EXOC4: variants seen among roughly 807,000 people sequenced by gnomAD.
EXOC4 encodes exocyst complex component 4, also known as SEC8-like 1.
Under a neutral mutation model 107.2 loss-of-function variants are expected in EXOC4, and 71 were observed. The ratio of observed to expected loss-of-function variants is 0.66; its 90% CI spans 0.55 to 0.81. The LOEUF (loss-of-function observed/expected upper bound fraction) is 0.81, where lower values mean the gene tolerates loss of function less well. EXOC4 is among the 30% of genes least tolerant of loss of function. The pLI, the probability that EXOC4 is intolerant of heterozygous loss-of-function variation, is 0.00. For synonymous variants in EXOC4, 456 were observed against 441.2 expected, an observed-to-expected ratio of 1.03 and a Z score of -0.42; for missense variants, 1,108 against 1,189.6, an observed-to-expected ratio of 0.93 and a Z score of 1.01.
rs759085567 is a variant in EXOC4 at position 133,833,247 on chromosome 7, G to GAA, written c.1734+15714_1734+15715dup. ...AGGTGAATAATCAGTCCCTGAGAAG[G>GAA]AAAAAAAAAAAAGGCCTAGGGATGT... On this transcript the variant is annotated intron_variant, in intron 11 of 17. Transcript: ENST00000253861. 2.7e-3 allele frequency among the ~76,000 whole-genome samples: 347 copies of GAA among 128,042 alleles called. 5 individuals are homozygous for GAA. The highest frequency in any genetic ancestry group is 8.9e-3 in the African/African-American group (324 of 36,264). 84.0% of individuals were successfully genotyped at this position (128,042 alleles called of 152,430 possible). A position where few individuals can be genotyped will look rare whatever the true frequency, so the allele number is the denominator to read the frequency against.
chr7:133,499,557 A>G (rs1474278526), intron 9 of EXOC4, among the ~76,000 whole-genome samples: 1 of 152,112 alleles, frequency 6.6e-6, no homozygotes, highest in Non-Finnish European at 1.5e-5. Flanking sequence ...TATGTATATA[A>G]TTATTTTGTT....
intron 5 of EXOC4, among the ~76,000 whole-genome samples, chr7:133,321,165 G>A (rs1362571419): frequency 6.6e-6 from 1 of 151,026 alleles, no homozygotes; most frequent in Non-Finnish European, 1.5e-5. Flanking sequence ...ATTAAGATTG[G>A]AGGTGATTCC....
intron 4 of EXOC4, among the ~76,000 whole-genome samples, chr7:133,311,864 CAG>C (rs1175125128): frequency 6.6e-6 from 1 of 151,988 alleles, no homozygotes; most frequent in African/African-American, 2.4e-5. Context: ...CATGAGTAGT[CAG>C]AGAAATACAC....
intron 17 of EXOC4, among the ~76,000 whole-genome samples, chr7:134,038,167 T>C (rs1214673105): frequency 6.6e-6 from 1 of 152,198 alleles, no homozygotes; most frequent in African/African-American, 2.4e-5. Context: ...GATTAGCATA[T>C]CTGGCAGATG....
Position 133,483,288 on chromosome 7 carries a change from A to G in EXOC4, c.1417+3150A>G, listed in dbSNP as rs1799197803. 2.6e-5 allele frequency among the ~76,000 whole-genome samples: 4 copies of G among 152,272 alleles called. No individual in the cohort carries two copies. The South Asian group carries it at 6.2e-4, about 24-fold the overall frequency. ...ACCACTTTCAGCTTTATAGTTTTCC[A>G]TTAGTCTTTAAGTTGAAGGCAAAGT... is the stretch of plus-strand genomic sequence containing the variant. On this transcript the variant is annotated intron_variant, in intron 9 of 17. Transcript: ENST00000253861.
intron 9 of EXOC4, among the ~76,000 whole-genome samples, chr7:133,580,478 A>T (rs1456822123): frequency 6.6e-6 from 1 of 152,208 alleles, no homozygotes; most frequent in Non-Finnish European, 1.5e-5. Context: ...CATAGGTTCC[A>T]ATTTCTCTAC....
Position 133,274,963 on chromosome 7 carries a change from TA to T in EXOC4, c.87-18del, listed in dbSNP as rs1793954770. 1 of 1,544,896 alleles carries T rather than the reference TA, an allele frequency of 6.5e-7. No homozygotes were observed. Among genetic ancestry groups the T allele is most frequent in the South Asian group, 1.3e-5 (1 of 79,044 alleles). On this transcript the variant is annotated intron_variant, in intron 1 of 17. Coordinates refer to ENST00000253861, the MANE Select transcript of EXOC4 (RefSeq NM_021807.4). ...CTTTCAAGTTTTACTTAGCTTGATA[TA>T]CTCTCTGCCTTCACCAGGACTCTGT...
At chr7:133,857,171 T>TGC (rs1798405840) in intron 11 of EXOC4, among the ~76,000 whole-genome samples, 1 of 15,874 alleles carries the variant, frequency 6.3e-5, no homozygotes, top group African/African-American at 3.6e-4. Flanking sequence ...TATATATATA[T>TGC]ATATATATAT....
intron 7 of EXOC4, among the ~76,000 whole-genome samples, chr7:133,426,675 G>A (rs1797734111): frequency 6.6e-6 from 1 of 152,218 alleles, no homozygotes. Flanking sequence ...GACAGTATTT[G>A]TAAATACATG....
intron 9 of EXOC4, among the ~76,000 whole-genome samples, chr7:133,558,897 C>T (rs1364904142): frequency 6.6e-6 from 1 of 152,156 alleles, no homozygotes; most frequent in Middle Eastern, 3.2e-3. Context: ...ATCATATGAC[C>T]AACCATATTA....
chr7:133,788,346 A>C (rs1446579874), intron 10 of EXOC4, among the ~76,000 whole-genome samples: 1 of 151,894 alleles, frequency 6.6e-6, no homozygotes, highest in Admixed American at 6.6e-5. Context: ...TTAGATGTCT[A>C]ATCAGTATCT....
chr7:133,654,639 G>A (rs757046144), intron 10 of EXOC4, among the ~76,000 whole-genome samples: 8 of 152,122 alleles, frequency 5.3e-5, no homozygotes, highest in Non-Finnish European at 1.0e-4. Flanking sequence ...ACTGGGCGCA[G>A]CAGTTCTCTT....
intron 9 of EXOC4, among the ~76,000 whole-genome samples, chr7:133,580,622 C>A (rs183739112): frequency 6.6e-6 from 1 of 152,164 alleles, no homozygotes; most frequent in Non-Finnish European, 1.5e-5. Context: ...TTCCCTTTGA[C>A]TCTTAAAACA....
At chr7:133,597,389 T>C (rs144743242) in intron 9 of EXOC4, among the ~76,000 whole-genome samples, 3 of 151,978 alleles carry the variant, frequency 2.0e-5, no homozygotes, top group African/African-American at 7.2e-5. Context: ...ACCCCGTCTC[T>C]ACTAAAAATA....
At chr7:133,477,436 A>G (rs1799044354) in intron 8 of EXOC4, among the ~76,000 whole-genome samples, 1 of 152,160 alleles carries the variant, frequency 6.6e-6, no homozygotes, top group African/African-American at 2.4e-5. Context: ...GGCTTCTTTC[A>G]CTTAGCAATA....
At chr7:133,850,974 G>A (rs531717974) in intron 11 of EXOC4, among the ~76,000 whole-genome samples, 7 of 152,204 alleles carry the variant, frequency 4.6e-5, no homozygotes, top group Non-Finnish European at 5.9e-5. Context: ...TTCCTCATAT[G>A]AGGAAGTTTC....
chr7:133,907,031 C>T (rs546439891), intron 12 of EXOC4, among the ~76,000 whole-genome samples: 208 of 152,222 alleles, frequency 1.4e-3, no homozygotes, highest in African/African-American at 4.7e-3. Flanking sequence ...GGCCAGCCAC[C>T]ATCTTGGGAG....
chr7:133,592,587 C>T (rs1375834356), intron 9 of EXOC4, among the ~76,000 whole-genome samples: 1 of 152,000 alleles, frequency 6.6e-6, no homozygotes, highest in African/African-American at 2.4e-5. Flanking sequence ...GAATTACAGG[C>T]GTGTGCCACC....
At chr7:133,632,591 C>A (rs1055051492) in intron 10 of EXOC4, among the ~76,000 whole-genome samples, 8 of 152,080 alleles carry the variant, frequency 5.3e-5, no homozygotes, top group African/African-American at 1.9e-4. Flanking sequence ...TTTATTATTT[C>A]TTCTAAAGTT....
Sources: allele counts gnomAD v4.1 joint callset (sites outside exome capture counted in the v4.1 genomes callset), GRCh38; gene constraint gnomAD v4.1.1; transcripts MANE v1.5; gene names NCBI Gene and HGNC (gene_info 2026-07-23, HGNC 2026-07-21).